CUL1: variants seen among roughly 807,000 people sequenced by gnomAD.
CUL1 encodes the protein cullin-1.
Under a neutral mutation model 118.0 loss-of-function variants are expected in CUL1, and 24 were observed. The observed-to-expected ratio is 0.20, with a 90% confidence interval of 0.15 to 0.29. CUL1 has a LOEUF of 0.29. Ranked by LOEUF, CUL1 falls within the 10% of genes least tolerant of loss-of-function variation. CUL1 has a pLI of 1.00. For synonymous variants in CUL1, 332 were observed against 340.4 expected, an observed-to-expected ratio of 0.98 and a Z score of 0.27; for missense variants, 361 against 933.8, an observed-to-expected ratio of 0.39 and a Z score of 7.99.
intron 3 of CUL1, among the ~76,000 whole-genome samples, chr7:148,756,747 T>A (rs1430947253): frequency 2.0e-5 from 3 of 152,208 alleles, no homozygotes; most frequent in African/African-American, 7.2e-5. Flanking sequence ...TGAGTGTGTT[T>A]GCATATTTAA....
At chr7:148,798,734 C>A (rs1333525849) in intron 20 of CUL1, 57 bp downstream of exon 20, 2 of 1,399,606 alleles carry the variant, frequency 1.4e-6, no homozygotes, top group East Asian at 2.3e-5. Context: ...GGATGGCTCG[C>A]AAGGACGGGC....
chr7:148,787,522 C>A lies in CUL1; in HGVS notation c.1479+402C>A, dbSNP rs769453737. On this transcript the variant is annotated intron_variant, in intron 13 of 21. Coordinates refer to ENST00000325222, the MANE Select transcript of CUL1 (RefSeq NM_003592.3). The surrounding 1 kb of genome is among the most constrained non-coding windows in gnomAD (Gnocchi z 5.5). ...TATGAGGCAGGCAGAGGAGTTTGTG[C>A]AGTGGTTTGTACAAGAAGCTCTGCC... 1.4e-4 allele frequency among the ~76,000 whole-genome samples: 21 copies of A among 152,124 alleles called. No individual in the cohort carries two copies. The highest frequency in any genetic ancestry group is 2.6e-4 in the Non-Finnish European group (18 of 68,010).
chr7:148,791,705 G>A (rs1385726442), intron 16 of CUL1, among the ~76,000 whole-genome samples: 3 of 152,230 alleles, frequency 2.0e-5, no homozygotes, highest in African/African-American at 7.2e-5. Flanking sequence ...GGCATGTGGC[G>A]TTTTTTGTTT....
intron 2 of CUL1, among the ~76,000 whole-genome samples, chr7:148,743,246 T>C (rs1003570507): frequency 3.3e-5 from 5 of 152,198 alleles, no homozygotes; most frequent in African/African-American, 1.2e-4. Flanking sequence ...TCTGCAGCTG[T>C]TGGCTGTAGA....
chr7:148,751,541 A>G (rs1451364410), intron 2 of CUL1, among the ~76,000 whole-genome samples: 3 of 151,506 alleles, frequency 2.0e-5, no homozygotes, highest in Non-Finnish European at 4.4e-5. Context: ...TCTCAAAAAA[A>G]AAAAAAAAAA....
chr7:148,740,090 T>G (rs565235584), intron 2 of CUL1, among the ~76,000 whole-genome samples: 64 of 152,228 alleles, frequency 4.2e-4, no homozygotes, highest in Middle Eastern at 3.4e-3. Flanking sequence ...TTTGCTGTTT[T>G]TGCCCAGGCC....
chr7:148,709,685 CTT>C (rs1797990118), intron 1 of CUL1, among the ~76,000 whole-genome samples: 3 of 152,178 alleles, frequency 2.0e-5, no homozygotes. Context: ...CCACATGAAA[CTT>C]AGGCTGGGCA....
At position 148,786,970 on chromosome 7, in the gene CUL1, G is replaced by GT; in HGVS notation, c.1348-18dup. On this transcript the variant is annotated intron_variant, in intron 12 of 21. Transcript: ENST00000325222. ...TGTGTGTGTGCTGGTTAAGTGTGTT[G>GT]TCTCGGTGGCTTTGCCAGATGGTTG... 1 of 1,597,676 alleles carries GT rather than the reference G, an allele frequency of 6.3e-7. No individual in the cohort carries two copies. Among genetic ancestry groups the GT allele is most frequent in the Non-Finnish European group, 8.5e-7 (1 of 1,175,970 alleles).
At chr7:148,781,753 AG>A (rs1800644279) in intron 9 of CUL1, among the ~76,000 whole-genome samples, 1 of 152,206 alleles carries the variant, frequency 6.6e-6, no homozygotes, top group African/African-American at 2.4e-5. Flanking sequence ...GGCGTGTGGC[AG>A]GGAAGCCGTG....
chr7:148,799,538 A>G, intron 21 of CUL1, 150 bp downstream of exon 21: 1 of 610,450 alleles, frequency 1.6e-6, no homozygotes, highest in Non-Finnish European at 2.9e-6. Context: ...GCTTCAGTTT[A>G]ACTGTTGAAA....
intron 9 of CUL1, among the ~76,000 whole-genome samples, chr7:148,772,450 T>C (rs929115897): frequency 2.6e-5 from 4 of 151,554 alleles, no homozygotes; most frequent in African/African-American, 9.7e-5. Context: ...ACACATTCAG[T>C]TTATGATGGG....
intron 11 of CUL1, among the ~76,000 whole-genome samples, chr7:148,786,235 T>C (rs1487991416): frequency 2.0e-5 from 3 of 152,256 alleles, no homozygotes; most frequent in African/African-American, 4.8e-5. Flanking sequence ...AAAGTGAATT[T>C]CCTTTACTGA....
intron 1 of CUL1, among the ~76,000 whole-genome samples, chr7:148,720,786 C>T (rs981958127): frequency 7.9e-5 from 12 of 152,092 alleles, no homozygotes; most frequent in African/African-American, 2.9e-4. Flanking sequence ...GAGTTGTCGT[C>T]GAGGGTTGAG....
chr7:148,756,789 A>G (rs1394356411), intron 3 of CUL1, among the ~76,000 whole-genome samples, 194 bp from the exon 4 acceptor site: 1 of 152,236 alleles, frequency 6.6e-6, no homozygotes, highest in African/African-American at 2.4e-5. Context: ...TTAATTTGAG[A>G]TGAAAGAATT....
intron 7 of CUL1, among the ~76,000 whole-genome samples, chr7:148,764,487 G>T (rs1350366446): frequency 2.0e-5 from 3 of 152,212 alleles, no homozygotes; most frequent in African/African-American, 7.2e-5. Flanking sequence ...CCTGCAGGAA[G>T]GGTCTGTAGA....
At chr7:148,749,793 G>C (rs1174059419) in intron 2 of CUL1, among the ~76,000 whole-genome samples, 1 of 152,166 alleles carries the variant, frequency 6.6e-6, no homozygotes. Flanking sequence ...AAATGAGGAA[G>C]GCATGTTGAA....
chr7:148,721,811 C>A (rs1038021477), intron 1 of CUL1, among the ~76,000 whole-genome samples: 2 of 152,016 alleles, frequency 1.3e-5, no homozygotes, highest in African/African-American at 4.8e-5. Flanking sequence ...TGTTGTGTGA[C>A]TGTCCTACTG....
intron 1 of CUL1, among the ~76,000 whole-genome samples, chr7:148,707,428 A>G (rs1797918757): frequency 6.6e-6 from 1 of 152,234 alleles, no homozygotes; most frequent in Non-Finnish European, 1.5e-5. Context: ...ATGGGAGACA[A>G]CACAATCAAA....
intron 2 of CUL1, among the ~76,000 whole-genome samples, chr7:148,734,718 T>C (rs1798883117): frequency 6.6e-6 from 1 of 152,186 alleles, no homozygotes; most frequent in Non-Finnish European, 1.5e-5. Flanking sequence ...GGGTGCTGGC[T>C]AGAGGAGAGG....
Sources: gnomAD v4.1 joint callset for allele counts (sites outside exome capture counted in the v4.1 genomes callset) on GRCh38, gnomAD v4.1.1 for gene constraint, Gnocchi (gnomAD v3.1) non-coding constraint, MANE v1.5 for transcripts, NCBI Gene and HGNC (gene_info 2026-07-23, HGNC 2026-07-21) for gene names.